Variants in KIR2DL3 observed in about 807,000 individuals in gnomAD.
KIR2DL3 encodes the protein killer cell immunoglobulin like receptor, two Ig domains and long cytoplasmic tail 3, also known as killer cell immunoglobulin-like receptor 2DL3.
Under a neutral mutation model 33.8 loss-of-function variants are expected in KIR2DL3, and 39 were observed. The observed-to-expected ratio is 1.15, with a 90% CI of 0.89 to 1.51. The LOEUF is 1.51. Ranked by LOEUF, KIR2DL3 falls within the 40% of genes most tolerant of loss-of-function variation. The pLI, the probability that KIR2DL3 is intolerant of heterozygous loss-of-function variation, is 0.00. For missense variants in KIR2DL3, 462 were observed against 426.2 expected (o/e 1.08, Z -0.74); for synonymous variants, 174 against 160.2 (o/e 1.09, Z -0.65).
rs1177112432 is a variant in KIR2DL3 at position 54,744,921 on chromosome 19, C to CATAT, written c.664+864_664+867dup. Among the ~76,000 whole-genome samples the CATAT allele has an allele frequency of 9.9e-3, 250 of 25,172 alleles. 3 individuals are homozygous for CATAT. Among genetic ancestry groups the CATAT allele is most frequent in the Middle Eastern group, 0.053 (2 of 38 alleles). The allele number at this position is 25,172 out of a possible 152,430, so 16.5% of individuals were successfully genotyped here. ...ATACACACACACACACATATATAAA[C>CATAT]ATATATATATATATATATATATATA... On this transcript the variant is annotated intron_variant, in intron 4 of 7. Transcript: ENST00000342376.
chr19:54,744,323 AGG>A (rs1296736422), intron 4 of KIR2DL3, among the ~76,000 whole-genome samples: 1 of 152,052 alleles, frequency 6.6e-6, no homozygotes, highest in African/African-American at 2.4e-5. Flanking sequence ...GAAAACGGTC[AGG>A]AGAGACCCAG....
chr19:54,747,485 C>G, intron 5 of KIR2DL3, 100 bp downstream of exon 5: 1 of 1,441,770 alleles, frequency 6.9e-7, no homozygotes, highest in East Asian at 2.3e-5. Context: ...TGACATTGTA[C>G]GCCTGTCTTC....
At chr19:54,738,878 A>T (rs2070339180) in intron 1 of KIR2DL3, among the ~76,000 whole-genome samples, 5 of 72,274 alleles carry the variant, frequency 6.9e-5, no homozygotes, top group South Asian at 4.6e-4. Flanking sequence ...TGGAGTGGAG[A>T]TATGGGCCTG....
At chr19:54,747,048 C>T (rs2072622541) in intron 4 of KIR2DL3, among the ~76,000 whole-genome samples, 4 of 141,026 alleles carry the variant, frequency 2.8e-5, no homozygotes, top group African/African-American at 7.9e-5. Flanking sequence ...CATTCTGCTC[C>T]ATTGTTCTAC....
Sources: gnomAD v4.1 joint callset for allele counts (sites outside exome capture counted in the v4.1 genomes callset) on GRCh38, gnomAD v4.1.1 for gene constraint, MANE v1.5 for transcripts, NCBI Gene and HGNC (gene_info 2026-07-23, HGNC 2026-07-21) for gene names.